BTBD7: variants seen among roughly 807,000 people sequenced by gnomAD.
BTBD7 encodes the protein BTB domain containing 7, also known as BTB/POZ domain-containing protein 7.
A neutral mutation model predicts 99.9 loss-of-function variants in BTBD7; 38 were observed. That is an observed-to-expected ratio of 0.38 (90% CI 0.29 to 0.50). The LOEUF (loss-of-function observed/expected upper bound fraction) is 0.50, where lower values mean the gene tolerates loss of function less well. Among genes scored for constraint, BTBD7 ranks in the 20% least tolerant of loss-of-function variants. The pLI, the probability that BTBD7 is intolerant of heterozygous loss-of-function variation, is 0.93. For synonymous variants in BTBD7, 520 were observed against 511.4 expected, an observed-to-expected ratio of 1.02 and a Z score of -0.23; for missense variants, 1,170 against 1,394.6, an observed-to-expected ratio of 0.84 and a Z score of 2.57.
chr14:93,248,640 T>C lies in BTBD7; in HGVS notation c.1957A>G (p.Ile653Val). The stretch of plus-strand genomic sequence containing the variant: ...AGTCGTCTGACCATGTCTTTCATAA[T>C]GAGGAGACGAGGAACTGGAAGGAGA... ...ANEIPVPRLL[I>V]MKDMVRRLQE... Residue 653 changes from isoleucine to valine, a missense_variant, in exon 9 of 11, where the codon ATT (isoleucine) becomes GTT (valine). Around this residue, in one of 4 missense-constraint regions of BTBD7, gnomAD observed 309 missense variants for 342.0 expected, o/e 0.90. Coordinates refer to ENST00000334746, the MANE Select transcript of BTBD7 (RefSeq NM_001002860.4). 5.0e-6 allele frequency: 8 copies of C among 1,609,224 alleles called. No individual in the cohort carries two copies. Among genetic ancestry groups the C allele is most frequent in the Non-Finnish European group, 5.9e-6 (7 of 1,178,568 alleles).
chr14:93,263,701 C>A (rs1024627599), intron 4 of BTBD7, 84 bp downstream of exon 4: 20 of 1,308,202 alleles, frequency 1.5e-5, no homozygotes, highest in Non-Finnish European at 2.0e-5. Context: ...CCTGCCCTAC[C>A]CTAGATGGAA....
At chr14:93,330,933 T>A (rs79658729) in intron 1 of BTBD7, among the ~76,000 whole-genome samples, 11,965 of 152,192 alleles carry the variant, frequency 0.079, 1,005 homozygotes, top group African/African-American at 0.21. Context: ...AATGCTGGTG[T>A]TGGGACACAA....
At chr14:93,307,077 C>A (rs899857725) in intron 1 of BTBD7, among the ~76,000 whole-genome samples, 1 of 152,214 alleles carries the variant, frequency 6.6e-6, no homozygotes, top group South Asian at 2.1e-4. Context: ...ACATCTCCCA[C>A]ACCACAAATA....
At position 93,240,127 on chromosome 14, in the gene BTBD7, A is replaced by G. The variant is rs1320804885; in HGVS notation, c.*2146T>C. The G allele has an allele frequency of 2.0e-5, 3 of 152,340 alleles. No homozygotes were observed. Among genetic ancestry groups the G allele is most frequent in the Non-Finnish European group, 4.4e-5 (3 of 68,040 alleles). The allele number at this position is 152,340 out of a possible 1,614,324, so 9.4% of individuals were successfully genotyped here. A position where few individuals can be genotyped will look rare whatever the true frequency, so the allele number is the denominator to read the frequency against. ...CAGAGGCCTATGCTTTTCTCTTTAA[A>G]AAAGGAGCCTCGAATGCGATGCACA... On this transcript the variant is annotated 3_prime_UTR_variant, in exon 11 of 11. Transcript: ENST00000334746.
intron 3 of BTBD7, chr14:93,288,549 C>T (rs2052808344): frequency 1.3e-6 from 1 of 799,208 alleles, no homozygotes; most frequent in South Asian, 1.3e-5. Flanking sequence ...TCTGCTTCCT[C>T]CAGGACTTTG....
chr14:93,254,446 CA>C (rs2052406822), intron 6 of BTBD7, among the ~76,000 whole-genome samples: 1 of 152,144 alleles, frequency 6.6e-6, no homozygotes, highest in South Asian at 2.1e-4. Flanking sequence ...CCCAACTCCT[CA>C]AGACAAAACG....
intron 3 of BTBD7, among the ~76,000 whole-genome samples, chr14:93,272,128 C>T (rs1401654754): frequency 1.3e-5 from 2 of 151,958 alleles, no homozygotes; most frequent in Non-Finnish European, 2.9e-5. Context: ...ACCAGCCTGA[C>T]CAACATGGTG....
At position 93,263,854 on chromosome 14, in the gene BTBD7, C is replaced by T. The variant is rs1595296373; in HGVS notation, c.1302G>A (p.Met434Ile). Reference sequence around the variant, plus strand: ...TGAGTTCATAAAAAACATCCGAAGTCATGACCTGGGAAAATTCCTCACAGA... The same window carrying T: ...TGAGTTCATAAAAAACATCCGAAGTTATGACCTGGGAAAATTCCTCACAGA... ...HFLCEEFSQV[M>I]TSDVFYELSK... Residue 434 changes from methionine to isoleucine, a missense_variant, in exon 4 of 11, where the codon ATG (methionine) becomes ATA (isoleucine). Transcript: ENST00000334746. 6.2e-7 allele frequency: 1 copy of T among 1,614,124 alleles called. No individual in the cohort carries two copies. The highest frequency in any genetic ancestry group is 8.5e-7 in the Non-Finnish European group (1 of 1,180,030).
chr14:93,320,718 A>G (rs978215691), intron 1 of BTBD7, among the ~76,000 whole-genome samples: 2 of 152,008 alleles, frequency 1.3e-5, no homozygotes, highest in Non-Finnish European at 2.9e-5. Flanking sequence ...ATTATCCACC[A>G]TGTGACTACT....
chr14:93,273,953 C>T (rs1332771131), intron 3 of BTBD7, among the ~76,000 whole-genome samples: 1 of 152,200 alleles, frequency 6.6e-6, no homozygotes, highest in Non-Finnish European at 1.5e-5. Context: ...GGCTATACAA[C>T]AGCAGTTCAT....
At chr14:93,278,704 C>T (rs988840086) in intron 3 of BTBD7, among the ~76,000 whole-genome samples, 3 of 152,136 alleles carry the variant, frequency 2.0e-5, no homozygotes, top group African/African-American at 7.2e-5. Context: ...CTTATAGGAC[C>T]ACCATTGTAC....
chr14:93,272,474 T>A (rs762049707), intron 3 of BTBD7, among the ~76,000 whole-genome samples: 5 of 152,184 alleles, frequency 3.3e-5, no homozygotes, highest in African/African-American at 7.2e-5. Context: ...TACAGATTTG[T>A]CCTTCAGAAC....
At chr14:93,315,456 G>A (rs1224253895) in intron 1 of BTBD7, among the ~76,000 whole-genome samples, 2 of 152,166 alleles carry the variant, frequency 1.3e-5, no homozygotes, top group East Asian at 1.9e-4. Flanking sequence ...TCTTGAGAAC[G>A]TTGTGCTTAA....
intron 3 of BTBD7, among the ~76,000 whole-genome samples, chr14:93,279,523 T>C (rs1208447192): frequency 1.3e-5 from 2 of 152,138 alleles, no homozygotes; most frequent in Non-Finnish European, 1.5e-5. Flanking sequence ...TAACTGCCTA[T>C]TGGTACTTAA....
In BTBD7 at chr14:93,257,325, C is replaced by A; in HGVS notation, c.1478G>T (p.Ser493Ile). 1 of 1,613,156 alleles carries A rather than the reference C, an allele frequency of 6.2e-7. No individual in the cohort carries two copies. The highest frequency in any genetic ancestry group is 1.3e-5 in the African/African-American group (1 of 74,994). ...EPNLLSGTAH[S>I]VNKRGVKRRD... ...TCTTTTTACACCTCTTTTGTTCACA[C>A]TATGGGCAGTGCCACTCAGTAAGTT... The change falls in exon 6 of 11, where the codon AGT (serine) becomes ATT (isoleucine). Residue 493 changes from serine to isoleucine, a missense_variant. Coordinates refer to ENST00000334746, the MANE Select transcript of BTBD7 (RefSeq NM_001002860.4).
At chr14:93,331,484 T>C (rs2053408096) in intron 1 of BTBD7, among the ~76,000 whole-genome samples, 1 of 152,244 alleles carries the variant, frequency 6.6e-6, no homozygotes, top group South Asian at 2.1e-4. Context: ...TAACAACGTA[T>C]GATTCTTGCA....
chr14:93,295,481 A>G (rs770948654), intron 2 of BTBD7, among the ~76,000 whole-genome samples: 1 of 152,164 alleles, frequency 6.6e-6, no homozygotes, highest in African/African-American at 2.4e-5. Flanking sequence ...AAATTAGTCT[A>G]AATTTTTTTA....
intron 3 of BTBD7, among the ~76,000 whole-genome samples, chr14:93,293,293 G>A (rs927698535): frequency 2.0e-5 from 3 of 152,144 alleles, no homozygotes; most frequent in African/African-American, 7.2e-5. Flanking sequence ...AGGCACATGA[G>A]TCTAGCGCTA....
rs201691509 is a variant in BTBD7, at chr14:93,261,669, T to C, written c.1380A>G (p.Glu460=). Residue 460 remains glutamate (E), a synonymous_variant, in exon 5 of 11, where the codon GAA becomes GAG. Coordinates refer to ENST00000334746, the MANE Select transcript of BTBD7 (RefSeq NM_001002860.4). The part of the protein sequence containing the change: ...AIQSDYLQAS[E]QDILKYLIKW... ...TAATCAGATATTTAAGGATATCTTGTTCACTTGCCTATAATAAAAAATGGT... is the reference window on the plus strand; with the variant it reads ...TAATCAGATATTTAAGGATATCTTGCTCACTTGCCTATAATAAAAAATGGT... The C allele has an allele frequency of 2.2e-5, 36 of 1,605,748 alleles. No individual in the cohort carries two copies. The highest frequency in any genetic ancestry group is 2.7e-5 in the African/African-American group (2 of 74,906).
Sources: allele counts gnomAD v4.1 joint callset (sites outside exome capture counted in the v4.1 genomes callset), GRCh38; gene constraint gnomAD v4.1.1; regional missense constraint gnomAD v4.1.1; transcripts MANE v1.5; gene names NCBI Gene and HGNC (gene_info 2026-07-23, HGNC 2026-07-21).